MTMR3: variants seen among roughly 807,000 people sequenced by gnomAD.
MTMR3 encodes phosphatidylinositol-3,5-bisphosphate 3-phosphatase MTMR3.
A neutral mutation model predicts 132.4 loss-of-function variants in MTMR3; 32 were observed. The observed-to-expected ratio is 0.24, with a 90% CI of 0.18 to 0.32. MTMR3 has a LOEUF of 0.32. Ranked by LOEUF, MTMR3 falls within the 10% of genes least tolerant of loss-of-function variation. The pLI, the probability that MTMR3 is intolerant of heterozygous loss-of-function variation, is 1.00. For synonymous variants in MTMR3, 556 were observed against 550.3 expected (o/e 1.01, Z -0.14); for missense variants, 1,216 against 1,489.6 (o/e 0.82, Z 3.02).
chr22:29,938,740 A>T (rs1284496499), intron 1 of MTMR3, among the ~76,000 whole-genome samples: 2 of 152,208 alleles, frequency 1.3e-5, no homozygotes, highest in Non-Finnish European at 2.9e-5. Context: ...TTTCCATAGA[A>T]TGTTTGCTCA....
At chr22:29,913,953 T>G (rs756397592) in intron 1 of MTMR3, among the ~76,000 whole-genome samples, 2 of 152,128 alleles carry the variant, frequency 1.3e-5, no homozygotes, top group African/African-American at 4.8e-5. Context: ...GAGTTTCACC[T>G]TGTTAGCCGG....
intron 14 of MTMR3, chr22:30,014,429 TG>T (rs1158626786): frequency 2.0e-5 from 3 of 152,202 alleles, no homozygotes; most frequent in Non-Finnish European, 2.9e-5. Flanking sequence ...AGTACTTCCT[TG>T]CTGTTAGTTC....
At chr22:30,008,860 A>T in intron 11 of MTMR3, 158 bp from the exon 12 acceptor site, 1 of 522,650 alleles carries the variant, frequency 1.9e-6, no homozygotes, top group East Asian at 3.1e-5. Flanking sequence ...TCCTCTTATT[A>T]TAAAGGATTG....
intron 8 of MTMR3, chr22:30,002,509 G>A (rs148527720): frequency 0.013 from 2,045 of 161,198 alleles, 19 homozygotes; most frequent in Non-Finnish European, 0.015. Context: ...AATAACCTAT[G>A]TACTTGTTAC....
chr22:29,999,744 G>C (rs1327275584), intron 8 of MTMR3: 1 of 152,182 alleles, frequency 6.6e-6, no homozygotes, highest in African/African-American at 2.4e-5. Flanking sequence ...GGCTGGACAT[G>C]GTGGCTCACA....
intron 1 of MTMR3, among the ~76,000 whole-genome samples, chr22:29,921,339 A>G (rs2065408147): frequency 6.6e-6 from 1 of 152,110 alleles, no homozygotes; most frequent in Non-Finnish European, 1.5e-5. Context: ...TACCGAGGGG[A>G]GGGCACCAAG....
At chr22:30,022,544 G>A in intron 18 of MTMR3, 65 bp from the exon 19 acceptor site, 2 of 1,388,466 alleles carry the variant, frequency 1.4e-6, no homozygotes, top group Non-Finnish European at 2.0e-6. Flanking sequence ...CCCCCAGCAT[G>A]GCTCTGCTGG....
intron 3 of MTMR3, among the ~76,000 whole-genome samples, chr22:29,971,626 GT>G (rs2066538275): frequency 6.6e-6 from 1 of 152,076 alleles, no homozygotes; most frequent in African/African-American, 2.4e-5. Context: ...TACCTTCCCT[GT>G]TTTGTCTCTT....
intron 1 of MTMR3, among the ~76,000 whole-genome samples, chr22:29,944,982 A>G (rs2065924979): frequency 6.6e-6 from 1 of 152,214 alleles, no homozygotes; most frequent in African/African-American, 2.4e-5. Flanking sequence ...CAAAGTAAAT[A>G]CAATATCCAC....
chr22:30,019,444 C>T (rs777257313), intron 16 of MTMR3, 36 bp from the exon 17 acceptor site: 2 of 1,560,426 alleles, frequency 1.3e-6, no homozygotes, highest in Admixed American at 3.6e-5. Context: ...AAACAGTTTC[C>T]AAGATTTTCA....
At chr22:29,914,193 A>G (rs1364872987) in intron 1 of MTMR3, among the ~76,000 whole-genome samples, 2 of 152,326 alleles carry the variant, frequency 1.3e-5, no homozygotes, top group East Asian at 3.9e-4. Context: ...TAGTTTTTAA[A>G]GTAACGGCCT....
At chr22:30,023,810 A>G in intron 19 of MTMR3, 1 of 344,546 alleles carries the variant, frequency 2.9e-6, no homozygotes, top group Admixed American at 4.5e-5. Context: ...TCAGTGATTC[A>G]TTGAGATGCC....
chr22:29,971,114 G>C (rs767831457), intron 3 of MTMR3, 52 bp downstream of exon 3: 38 of 1,552,276 alleles, frequency 2.4e-5, no homozygotes, highest in Non-Finnish European at 3.2e-5. Flanking sequence ...CCTGTGTCCT[G>C]ACAATTAAGT....
intron 1 of MTMR3, among the ~76,000 whole-genome samples, chr22:29,934,549 A>G (rs768789287): frequency 5.3e-5 from 8 of 152,138 alleles, no homozygotes; most frequent in Non-Finnish European, 1.2e-4. Flanking sequence ...AATCTACACT[A>G]ATGTGGTCTC....
chr22:29,943,031 C>A (rs9614110), intron 1 of MTMR3, among the ~76,000 whole-genome samples: 20,432 of 152,058 alleles, frequency 0.13, 1,550 homozygotes, highest in South Asian at 0.24. Flanking sequence ...AATTTATGTT[C>A]AGAGATTGCA....
In MTMR3 at chr22:29,974,647, A is replaced by T. The variant is rs528867845; in HGVS notation, c.3+3585A>T. ...GGTGAGTGTGCCAGCAAGAGTGAGT[A>T]GGTAAATGGTTTCTTTTTGTTCTTT... On this transcript the variant is annotated intron_variant, in intron 3 of 19. Transcript: ENST00000401950. Among the ~76,000 whole-genome samples the T allele has an allele frequency of 4.6e-5, 7 of 152,290 alleles. No homozygotes were observed. The South Asian group carries it at 1.2e-3, about 27-fold the overall frequency.
At chr22:29,897,383 A>T (rs1231713093) in intron 1 of MTMR3, among the ~76,000 whole-genome samples, 1 of 152,048 alleles carries the variant, frequency 6.6e-6, no homozygotes, top group Non-Finnish European at 1.5e-5. Flanking sequence ...CCCATTCAGT[A>T]GATTTAATAG....
At chr22:30,016,486 C>T (rs780889594) in intron 14 of MTMR3, 42 bp from the exon 15 acceptor site, 23 of 1,599,520 alleles carry the variant, frequency 1.4e-5, no homozygotes, top group Non-Finnish European at 1.9e-5. Context: ...TCAGAGTGTG[C>T]ATGCCTGATT....
chr22:29,963,792 C>T (rs28491929), intron 2 of MTMR3, among the ~76,000 whole-genome samples: 23 of 151,368 alleles, frequency 1.5e-4, no homozygotes, highest in Non-Finnish European at 3.1e-4. Context: ...GAGCCTAGAT[C>T]TTCACGCCAC....
Sources: gnomAD v4.1 joint callset for allele counts (sites outside exome capture counted in the v4.1 genomes callset) on GRCh38, gnomAD v4.1.1 for gene constraint, MANE v1.5 for transcripts, NCBI Gene and HGNC (gene_info 2026-07-23, HGNC 2026-07-21) for gene names.